Variants in ARHGAP21 observed in about 807,000 individuals in gnomAD.
ARHGAP21 encodes rho GTPase-activating protein 21.
A neutral mutation model predicts 164.6 loss-of-function variants in ARHGAP21; 38 were observed. The ratio of observed to expected loss-of-function variants is 0.23; its 90% CI spans 0.18 to 0.30. ARHGAP21 has a LOEUF of 0.30. Among genes scored for constraint, ARHGAP21 ranks in the 10% least tolerant of loss-of-function variants. The pLI is 1.00. For synonymous variants in ARHGAP21, 766 were observed against 857.9 expected, an observed-to-expected ratio of 0.89 and a Z score of 1.87; for missense variants, 1,822 against 2,370.7, an observed-to-expected ratio of 0.77 and a Z score of 4.81.
At chr10:24,684,909 G>A (rs1301996699) in intron 2 of ARHGAP21, among the ~76,000 whole-genome samples, 3 of 152,208 alleles carry the variant, frequency 2.0e-5, no homozygotes, top group Non-Finnish European at 4.4e-5. Context: ...AAAGTGCTGG[G>A]ATTACAGGCG....
Position 24,608,885 on chromosome 10 carries a change from A to G in ARHGAP21, c.2423-982T>C, listed in dbSNP as rs1011498605. The stretch of plus-strand genomic sequence containing the variant: ...TTTACTATTATGTCAGTAAGAATGC[A>G]GTAATTCTTTTTCCAAAAGCAAGAA... On this transcript the variant is annotated intron_variant, in intron 9 of 25. Coordinates refer to ENST00000396432, the MANE Select transcript of ARHGAP21 (RefSeq NM_020824.4). Among the ~76,000 whole-genome samples the G allele has an allele frequency of 7.2e-5, 11 of 152,346 alleles. No homozygotes were observed. In the South Asian group the frequency reaches 1.9e-3, roughly 26 times the overall value.
Position 24,606,487 on chromosome 10 carries a change from G to A in ARHGAP21, c.2684+1012C>T, listed in dbSNP as rs141824838. Among the ~76,000 whole-genome samples the A allele has an allele frequency of 1.2e-4, 19 of 152,324 alleles. No homozygotes were observed. In the East Asian group the frequency reaches 3.7e-3, roughly 29 times the overall value. ...GCCATTATAATAATTAAAAATATAT[G>A]TATCAAACAATACACTGTGTTAGAG... On this transcript the variant is annotated intron_variant, in intron 11 of 25. Transcript: ENST00000396432.
At chr10:24,607,647 C>T in intron 10 of ARHGAP21, 46 bp from the exon 11 acceptor site, 1 of 1,610,604 alleles carries the variant, frequency 6.2e-7, no homozygotes, top group South Asian at 1.1e-5. Flanking sequence ...CAAGTGGTTC[C>T]CAGATTCTTT....
Position 24,585,827 on chromosome 10 carries a change from C to T in ARHGAP21, c.4462G>A (p.Asp1488Asn), listed in dbSNP as rs763396585. 6.2e-7 allele frequency: 1 copy of T among 1,613,830 alleles called. No individual in the cohort carries two copies. The highest frequency in any genetic ancestry group is 1.3e-5 in the African/African-American group (1 of 74,898). The change falls in exon 26 of 26, where the codon GAT becomes AAT. Residue 1488 changes from aspartate to asparagine, a missense_variant. By Grantham distance (23) the Asp-to-Asn change is conservative. Around this residue, in one of 5 missense-constraint regions of ARHGAP21, gnomAD observed 333 missense variants for 383.9 expected, o/e 0.87. Coordinates refer to ENST00000396432, the MANE Select transcript of ARHGAP21 (RefSeq NM_020824.4). ...TCTTTTCCTAGTGATATCTTTTCAT[C>T]TTTTGTCGTGCTGGGGTCTTTCCTA... ...STRKDPSTTK[D>N]EKISLGKEST... is the part of the protein sequence containing the mutation.
intron 2 of ARHGAP21, among the ~76,000 whole-genome samples, chr10:24,712,071 C>T (rs1415597249): frequency 6.6e-6 from 1 of 152,120 alleles, no homozygotes; most frequent in Non-Finnish European, 1.5e-5. Flanking sequence ...TGCACCACTA[C>T]ACCCAGCTAA....
chr10:24,709,509 G>A (rs752191784), intron 2 of ARHGAP21, among the ~76,000 whole-genome samples: 1 of 152,034 alleles, frequency 6.6e-6, no homozygotes, highest in African/African-American at 2.4e-5. Context: ...AGGCTGAGAC[G>A]ACAGGACAGC....
chr10:24,652,840 T>A (rs1411988296), intron 4 of ARHGAP21, among the ~76,000 whole-genome samples: 7 of 152,168 alleles, frequency 4.6e-5, no homozygotes, highest in African/African-American at 1.7e-4. Flanking sequence ...TACGGTCCCC[T>A]CAGAAAACTG....
rs545273821 is a variant in ARHGAP21, at chr10:24,585,335, T to C, written c.4954A>G (p.Arg1652Gly). The change falls in exon 26 of 26, where the codon AGG becomes GGG. Residue 1652 changes from arginine (R) to glycine (G), a missense_variant. By Grantham distance (125) the Arg-to-Gly change is moderately radical. Around this residue, in one of 5 missense-constraint regions of ARHGAP21, gnomAD observed 333 missense variants for 383.9 expected, o/e 0.87. Transcript: ENST00000396432. Reference protein sequence around the residue: ...PVFPTALTSERLFRGKLQEVT... With the variant: ...PVFPTALTSEGLFRGKLQEVT... ...TCTTGCAGTTTTCCTCGGAAAAGCC[T>C]CTCTGAAGTCAAGGCTGTGGGGAAC... 6.2e-7 allele frequency: 1 copy of C among 1,613,338 alleles called. No homozygotes were observed. Among genetic ancestry groups the C allele is most frequent in the East Asian group, 2.2e-5 (1 of 44,868 alleles).
chr10:24,627,153 C>G (rs994349643), intron 7 of ARHGAP21, among the ~76,000 whole-genome samples: 2 of 152,098 alleles, frequency 1.3e-5, no homozygotes, highest in Admixed American at 6.5e-5. Context: ...GAAAAAAAAC[C>G]TCCATGCACT....
At chr10:24,624,553 T>G (rs1412956529) in intron 7 of ARHGAP21, among the ~76,000 whole-genome samples, 2 of 151,938 alleles carry the variant, frequency 1.3e-5, no homozygotes, top group Non-Finnish European at 2.9e-5. Context: ...TTCGCCAGGT[T>G]GGTCTCGAAC....
intron 5 of ARHGAP21, among the ~76,000 whole-genome samples, 173 bp from the exon 6 acceptor site, chr10:24,633,653 A>C (rs1351585577): frequency 6.6e-6 from 1 of 152,090 alleles, no homozygotes; most frequent in Non-Finnish European, 1.5e-5. Flanking sequence ...AATTATATGA[A>C]TATCCTAGCT....
At chr10:24,639,281 T>C (rs1836731540) in intron 4 of ARHGAP21, among the ~76,000 whole-genome samples, 2 of 152,190 alleles carry the variant, frequency 1.3e-5, no homozygotes, top group Admixed American at 6.5e-5. Context: ...GTATTTCATA[T>C]GACAACCCTA....
chr10:24,656,275 G>C (rs569157357), intron 4 of ARHGAP21, among the ~76,000 whole-genome samples: 1 of 107,776 alleles, frequency 9.3e-6, no homozygotes, highest in Non-Finnish European at 1.9e-5. Flanking sequence ...ACCTCTGCCC[G>C]GCCGCCCCTA....
At chr10:24,675,516 C>T (rs1056447983) in intron 2 of ARHGAP21, among the ~76,000 whole-genome samples, 5 of 152,198 alleles carry the variant, frequency 3.3e-5, no homozygotes, top group Non-Finnish European at 5.9e-5. Context: ...CTGGTGCATA[C>T]TTGCGTATAA....
At chr10:24,656,947 G>T (rs1415104473) in intron 4 of ARHGAP21, among the ~76,000 whole-genome samples, 24 of 126,156 alleles carry the variant, frequency 1.9e-4, no homozygotes, top group South Asian at 2.7e-4. Flanking sequence ...GTGGGGGGGG[G>T]GTCAGCCCCC....
rs1299649074 is a variant in ARHGAP21 at position 24,594,553 on chromosome 10, CAAAG to C, written c.3876+393_3876+396del. 1.3e-4 allele frequency among the ~76,000 whole-genome samples: 20 copies of C among 152,104 alleles called. No homozygotes were observed. The East Asian group carries it at 3.1e-3, about 23-fold the overall frequency. On this transcript the variant is annotated intron_variant, in intron 21 of 25. Transcript: ENST00000396432. ...AAAGAATATATTTTGTTGTGTTTGA[CAAAG>C]AAAATGTGGTGGTGTTAAAAGGAAT...
At chr10:24,656,171 T>G (rs1174810355) in intron 4 of ARHGAP21, among the ~76,000 whole-genome samples, 15 of 95,884 alleles carry the variant, frequency 1.6e-4, no homozygotes, top group South Asian at 7.3e-4. Context: ...GTGGGGGGGG[T>G]CAGCCCCCCG....
At chr10:24,647,850 T>G (rs934052827) in intron 4 of ARHGAP21, among the ~76,000 whole-genome samples, 1 of 152,226 alleles carries the variant, frequency 6.6e-6, no homozygotes, top group African/African-American at 2.4e-5. Context: ...TCTTTTCTCT[T>G]TTTTCCCCAG....
At chr10:24,596,137 A>C (rs976506740) in intron 17 of ARHGAP21, 94 bp from the exon 18 acceptor site, 1 of 1,089,510 alleles carries the variant, frequency 9.2e-7, no homozygotes, top group Non-Finnish European at 1.3e-6. Context: ...CCAAAAGGAA[A>C]CATAAATTGC....
Sources: allele counts gnomAD v4.1 joint callset (sites outside exome capture counted in the v4.1 genomes callset), GRCh38; gene constraint gnomAD v4.1.1; regional missense constraint gnomAD v4.1.1; transcripts MANE v1.5; gene names NCBI Gene and HGNC (gene_info 2026-07-23, HGNC 2026-07-21).